Variants in KIF4A observed in about 807,000 individuals in gnomAD.
KIF4A encodes chromosome-associated kinesin KIF4A.
A neutral mutation model predicts 105.9 loss-of-function variants in KIF4A; 7 were observed. The ratio of observed to expected loss-of-function variants is 0.07; its 90% CI spans 0.04 to 0.12. The LOEUF is 0.12. KIF4A is among the 10% of genes least tolerant of loss of function. The pLI, the probability that KIF4A is intolerant of heterozygous loss-of-function variation, is 1.00. For synonymous variants in KIF4A, 281 were observed against 331.3 expected (o/e 0.85, Z 1.65); for missense variants, 558 against 929.2 (o/e 0.60, Z 5.19).
In KIF4A at chrX:70,323,695, C is replaced by T. The variant is rs184731408; in HGVS notation, c.779-5710C>T. On this transcript the variant is annotated intron_variant, in intron 7 of 30. Coordinates refer to ENST00000374403, the MANE Select transcript of KIF4A (RefSeq NM_012310.5). ...ATATTTGCTTTATCACAAATCTGTC[C>T]ATCTATCCATTTGTCAGTCTATATC... is the stretch of plus-strand genomic sequence containing the variant. Among the ~76,000 whole-genome samples the T allele has an allele frequency of 2.5e-3, 273 of 111,135 alleles. 1 individual carries two copies. Among genetic ancestry groups the T allele is most frequent in the South Asian group, 5.2e-3 (14 of 2,667 alleles).
chrX:70,339,520 A>G (rs1275350218), intron 10 of KIF4A, among the ~76,000 whole-genome samples: 1 of 112,843 alleles, frequency 8.9e-6, no homozygotes, highest in African/African-American at 3.2e-5. Context: ...TTTCAGCTGC[A>G]AAAGTAATAG....
chrX:70,369,963 C>A (rs1038608915), intron 15 of KIF4A, among the ~76,000 whole-genome samples: 1 of 111,393 alleles, frequency 9.0e-6, no homozygotes, highest in Non-Finnish European at 1.9e-5. Context: ...GATTGTAATA[C>A]TGTATTTTTA....
intron 11 of KIF4A, among the ~76,000 whole-genome samples, chrX:70,343,319 CT>C (rs1016624863): frequency 4.1e-4 from 45 of 110,010 alleles, no homozygotes; most frequent in Admixed American, 1.4e-3. Flanking sequence ...TGTTTTTTGT[CT>C]TTTTTTTGTT....
At chrX:70,368,420 G>A (rs1424242531) in intron 15 of KIF4A, among the ~76,000 whole-genome samples, 1 of 111,973 alleles carries the variant, frequency 8.9e-6, no homozygotes, top group Non-Finnish European at 1.9e-5. Flanking sequence ...CCTACAGATG[G>A]GGTTTTGGTG....
Position 70,357,683 on chromosome X carries a change from A to G in KIF4A, c.1674+3876A>G, listed in dbSNP as rs1436240990. 2.7e-5 allele frequency among the ~76,000 whole-genome samples: 3 copies of G among 112,596 alleles called. No homozygotes were observed. In the East Asian group the frequency reaches 8.3e-4, roughly 31 times the overall value. ...TTTACTTGTTAGTTTGGCTGGGTTT[A>G]CAATTCTATAGAAATGTTTTCTTCA... On this transcript the variant is annotated intron_variant, in intron 15 of 30. Transcript: ENST00000374403.
At chrX:70,393,919 G>A (rs1266696214) in intron 20 of KIF4A, among the ~76,000 whole-genome samples, 1 of 92,845 alleles carries the variant, frequency 1.1e-5, no homozygotes, top group African/African-American at 4.1e-5. Flanking sequence ...AGGCTGAAGT[G>A]CAGTAGCACA....
At chrX:70,368,336 A>G (rs2086114428) in intron 15 of KIF4A, among the ~76,000 whole-genome samples, 1 of 111,054 alleles carries the variant, frequency 9.0e-6, no homozygotes, top group African/African-American at 3.3e-5. Flanking sequence ...GATTGTTAGA[A>G]TTTTCAGTTT....
intron 15 of KIF4A, among the ~76,000 whole-genome samples, chrX:70,372,939 A>G (rs2086146367): frequency 8.9e-6 from 1 of 112,230 alleles, no homozygotes; most frequent in Non-Finnish European, 1.9e-5. Flanking sequence ...ATTCACTAGG[A>G]GGACTCACAG....
At chrX:70,416,345 C>CTTT (rs376059238) in intron 28 of KIF4A, among the ~76,000 whole-genome samples, 181 of 62,766 alleles carry the variant, frequency 2.9e-3, no homozygotes, top group Middle Eastern at 0.015. Flanking sequence ...TCTGCACAGT[C>CTTT]TTTTTTTTTT....
At chrX:70,345,098 TAG>T (rs1208431131) in intron 13 of KIF4A, among the ~76,000 whole-genome samples, 1 of 112,097 alleles carries the variant, frequency 8.9e-6, no homozygotes, top group Non-Finnish European at 1.9e-5. Context: ...TGCCACTTCC[TAG>T]CTATGTAATC....
intron 22 of KIF4A, among the ~76,000 whole-genome samples, chrX:70,397,214 C>CA: frequency 9.2e-6 from 1 of 108,383 alleles, no homozygotes; most frequent in East Asian, 2.9e-4. Context: ...ACTAAAAATA[C>CA]AAAAAATTAG....
intron 22 of KIF4A, among the ~76,000 whole-genome samples, chrX:70,401,068 A>G (rs2086279776): frequency 9.6e-6 from 1 of 103,912 alleles, no homozygotes; most frequent in East Asian, 3.0e-4. Context: ...CGCCCCGCCA[A>G]TAGGTTTATG....
rs747041010 is a variant in KIF4A at position 70,308,381 on chromosome X, T to C, written c.778+5983T>C. On this transcript the variant is annotated intron_variant, in intron 7 of 30. Transcript: ENST00000374403. ...CAAGTAATACATGAATAGATTCTCATATAAAAATACAAACAATACAGATGA... is the reference window on the plus strand; with the variant it reads ...CAAGTAATACATGAATAGATTCTCACATAAAAATACAAACAATACAGATGA... Among the ~76,000 whole-genome samples the C allele has an allele frequency of 8.0e-5, 9 of 112,548 alleles. No individual in the cohort carries two copies. The East Asian group carries it at 2.5e-3, about 31-fold the overall frequency.
chrX:70,346,507 A>G (rs1430853780), intron 13 of KIF4A, among the ~76,000 whole-genome samples: 2 of 111,946 alleles, frequency 1.8e-5, no homozygotes, highest in Non-Finnish European at 3.8e-5. Flanking sequence ...AAATTAATAA[A>G]ATAAAGCATC....
intron 3 of KIF4A, among the ~76,000 whole-genome samples, chrX:70,293,516 G>A (rs1453277737): frequency 8.9e-6 from 1 of 111,928 alleles, no homozygotes; most frequent in African/African-American, 3.3e-5. Context: ...ATCAGTTAAC[G>A]ACAGGGATAC....
At chrX:70,408,818 C>T (rs981987819) in intron 28 of KIF4A, among the ~76,000 whole-genome samples, 1 of 112,335 alleles carries the variant, frequency 8.9e-6, no homozygotes, top group Non-Finnish European at 1.9e-5. Flanking sequence ...CATAGAACCT[C>T]AGCATATTCG....
intron 22 of KIF4A, among the ~76,000 whole-genome samples, chrX:70,398,260 A>C (rs955230613): frequency 2.7e-5 from 3 of 111,483 alleles, no homozygotes; most frequent in Non-Finnish European, 5.7e-5. Flanking sequence ...GTGGTCTCGA[A>C]CTCCTGGCCT....
chrX:70,302,538 G>A, intron 7 of KIF4A, 140 bp downstream of exon 7: 1 of 563,307 alleles, frequency 1.8e-6, no homozygotes. Flanking sequence ...TTCAGAAATA[G>A]CGAAAAATTG....
At chrX:70,328,166 A>G (rs1423711916) in intron 7 of KIF4A, among the ~76,000 whole-genome samples, 1 of 112,200 alleles carries the variant, frequency 8.9e-6, no homozygotes, top group African/African-American at 3.2e-5. Flanking sequence ...TTGTGCTGCT[A>G]TAACAAAATA....
Sources: gnomAD v4.1 joint callset for allele counts (sites outside exome capture counted in the v4.1 genomes callset) on GRCh38, gnomAD v4.1.1 for gene constraint, MANE v1.5 for transcripts, NCBI Gene and HGNC (gene_info 2026-07-23, HGNC 2026-07-21) for gene names.